The following POLR2F variants were observed in gnomAD, a reference collection of about 807,000 sequenced individuals.
POLR2F encodes the protein RNA polymerase II, I and III subunit F, also known as DNA-directed RNA polymerases I, II, and III subunit RPABC2.
A neutral mutation model predicts 22.7 loss-of-function variants in POLR2F; 12 were observed. That is an observed-to-expected ratio of 0.53 (90% CI 0.34 to 0.86). The LOEUF (loss-of-function observed/expected upper bound fraction) is 0.86. Among genes scored for constraint, POLR2F ranks in the 40% least tolerant of loss-of-function variants. POLR2F has a pLI of 0.02. For synonymous variants in POLR2F, 57 were observed against 66.0 expected, an observed-to-expected ratio of 0.86 and a Z score of 0.66; for missense variants, 126 against 171.5, an observed-to-expected ratio of 0.73 and a Z score of 1.48.
chr22:37,984,568 C>T (rs961626312), upstream of POLR2F: 3 of 142,002 alleles, frequency 2.1e-5, no homozygotes, highest in Non-Finnish European at 4.6e-5. This position sits in a 1 kb window ranked among gnomAD's most constrained non-coding sequence, Gnocchi z 4.4. Flanking sequence ...GCCTGAGCCG[C>T]TGCGGAGGGC....
chr22:38,014,780 G>A (rs1396997186), intron 1 of POLR2F, among the ~76,000 whole-genome samples: 1 of 149,314 alleles, frequency 6.7e-6, no homozygotes, highest in Non-Finnish European at 1.5e-5. Context: ...ACTGGGCCTG[G>A]CTCACACCTG....
At position 37,953,768 on chromosome 22, in the gene POLR2F, G is replaced by T; in HGVS notation, c.-20G>T. On this transcript the variant is annotated 5_prime_UTR_variant, in exon 1 of 5. Coordinates refer to ENST00000442738, the MANE Select transcript of POLR2F (RefSeq NM_021974.5). ...CCGCGCGGGACCGGGGCGCAGCGGGGTCGCTGAGGCGAGGGTGTCATGTCA... is the reference window on the plus strand; with the variant it reads ...CCGCGCGGGACCGGGGCGCAGCGGGTTCGCTGAGGCGAGGGTGTCATGTCA... The T allele has an allele frequency of 6.2e-7, 1 of 1,606,924 alleles. No homozygotes were observed.
At chr22:38,013,636 A>G (rs2084891146) in intron 1 of POLR2F, among the ~76,000 whole-genome samples, 1 of 152,212 alleles carries the variant, frequency 6.6e-6, no homozygotes, top group East Asian at 1.9e-4. Flanking sequence ...GCTGTACAGT[A>G]TCTAGTAAAA....
chr22:37,994,286 T>C (rs1348052848), intron 1 of POLR2F, among the ~76,000 whole-genome samples: 1 of 152,124 alleles, frequency 6.6e-6, no homozygotes, highest in East Asian at 1.9e-4. Context: ...GCTGAGGGCC[T>C]CACACACACG....
At chr22:37,967,534 C>G (rs771041279) in intron 4 of POLR2F, 91 bp from the exon 5 acceptor site, 1 of 1,556,712 alleles carries the variant, frequency 6.4e-7, no homozygotes, top group South Asian at 1.2e-5. Flanking sequence ...TAAGACTTCT[C>G]TTTGCTTGTG....
At chr22:38,033,048 C>T in intron 5 of POLR2F, 1 of 166,956 alleles carries the variant, frequency 6.0e-6, no homozygotes, top group South Asian at 2.1e-4. Context: ...TCCTTGTAAA[C>T]ATCAAAGCAG....
At chr22:38,005,908 T>C (rs2145804339) in intron 1 of POLR2F, among the ~76,000 whole-genome samples, 1 of 152,346 alleles carries the variant, frequency 6.6e-6, no homozygotes, top group East Asian at 1.9e-4. Flanking sequence ...ACAGAAGTAT[T>C]GGTCTGCAAA....
downstream of POLR2F, chr22:37,971,416 G>A (rs1429496229): frequency 4.9e-6 from 2 of 411,806 alleles, no homozygotes; most frequent in Admixed American, 5.6e-5. Context: ...CTGGGTATGA[G>A]GAAGAACTTC....
Position 38,004,178 on chromosome 22 carries a change from T to TGG in POLR2F, c.120+17873_120+17874dup, listed in dbSNP as rs139899. On this transcript the variant is annotated intron_variant, in intron 1 of 2. Coordinates refer to the POLR2F transcript ENST00000333418. The stretch of plus-strand genomic sequence containing the variant: ...TAATTTTTATTCTTTTGTAGAGATG[T>TGG]GGGGGGGGTCTCACTATATTGCTCA... Among the ~76,000 whole-genome samples the TGG allele has an allele frequency of 6.6e-4, 100 of 151,686 alleles. No individual in the cohort carries two copies. The East Asian group carries it at 0.012, about 18-fold the overall frequency.
chr22:37,986,508 T>A lies in POLR2F; in HGVS notation c.120+196T>A. On this transcript the variant is annotated intron_variant, in intron 1 of 2. Coordinates refer to the POLR2F transcript ENST00000333418. The surrounding 1 kb of genome is among the most constrained non-coding windows in gnomAD (Gnocchi z 4.7). ...CCCTCTCTAACTCCCTGCTTCCTCC[T>A]TTGCCCTCCTTGGTCCAGCTGTGCC... 7.8e-7 allele frequency: 1 copy of A among 1,280,660 alleles called. No homozygotes were observed. The highest frequency in any genetic ancestry group is 1.1e-6 in the Non-Finnish European group (1 of 914,496). The allele number at this position is 1,280,660 out of a possible 1,614,324, so 79.3% of individuals were successfully genotyped here. A position where few individuals can be genotyped will look rare whatever the true frequency, so the allele number is the denominator to read the frequency against.
intron 1 of POLR2F, among the ~76,000 whole-genome samples, chr22:37,954,279 A>G (rs1301720541): frequency 6.6e-6 from 1 of 152,022 alleles, no homozygotes; most frequent in Non-Finnish European, 1.5e-5. Context: ...GCATTAAATA[A>G]AAGTCTGGGA....
In POLR2F at chr22:37,978,688, G is replaced by A. The variant is rs1454266354; in HGVS notation, c.293+11518G>A. ...ATGATAACATTGGCTTAACTTGGGT[G>A]TGGGATTGGCCAGAATAATGGATGT... On this transcript the variant is annotated intron_variant, in intron 4 of 4. Coordinates refer to the POLR2F transcript ENST00000405557. This position sits in a 1 kb window ranked among gnomAD's most constrained non-coding sequence, Gnocchi z 5.0. Among the ~76,000 whole-genome samples the A allele has an allele frequency of 2.6e-5, 4 of 152,220 alleles. No homozygotes were observed. In the East Asian group the frequency reaches 7.7e-4, roughly 29 times the overall value.
intron 1 of POLR2F, among the ~76,000 whole-genome samples, chr22:38,014,793 T>A (rs2084902061): frequency 1.2e-4 from 16 of 133,060 alleles, no homozygotes. Context: ...CACACCTGTA[T>A]TTGTATTTTT....
At chr22:37,973,858 T>C (rs537184160), downstream of POLR2F, 36 of 1,608,084 alleles carry the variant, frequency 2.2e-5, no homozygotes, top group African/African-American at 4.4e-4. Context: ...CACCAGGTGG[T>C]GAGACCGTGG....
downstream of POLR2F, among the ~76,000 whole-genome samples, chr22:38,028,605 T>C (rs766594143): frequency 6.6e-6 from 1 of 152,118 alleles, no homozygotes; most frequent in Non-Finnish European, 1.5e-5. Flanking sequence ...TGCCTATGTG[T>C]ATGCACGTGC....
intron 1 of POLR2F, among the ~76,000 whole-genome samples, chr22:37,988,543 T>C (rs1362552137): frequency 6.6e-6 from 1 of 151,726 alleles, no homozygotes; most frequent in Non-Finnish European, 1.5e-5. Context: ...CCCAGCTACG[T>C]GGGAGCCTGA....
At chr22:38,013,334 C>T (rs377507917) in intron 1 of POLR2F, among the ~76,000 whole-genome samples, 7 of 151,856 alleles carry the variant, frequency 4.6e-5, no homozygotes, top group South Asian at 2.1e-4. Context: ...TTAGTAGAGG[C>T]GGGGTTTCAT....
downstream of POLR2F, chr22:37,974,116 C>A: frequency 6.2e-7 from 1 of 1,613,338 alleles, no homozygotes; most frequent in Non-Finnish European, 8.5e-7. The surrounding 1 kb of genome is among the most constrained non-coding windows in gnomAD (Gnocchi z 5.4). Context: ...CCATGGAGCG[C>A]CCGTCCCGCT....
chr22:38,034,492 C>T lies in POLR2F; in HGVS notation c.453-6576C>T, dbSNP rs116660503. Among the ~76,000 whole-genome samples, 807 of 152,302 alleles carry T rather than the reference C, an allele frequency of 5.3e-3. 10 individuals carry two copies. Among genetic ancestry groups the T allele is most frequent in the African/African-American group, 0.019 (782 of 41,558 alleles). On this transcript the variant is annotated intron_variant, in intron 5 of 5. Coordinates refer to the POLR2F transcript ENST00000407936. ...ATGCAAAACCAGCGACCTCCTGCAC[C>T]AGCTCTAAGGAGACCGAAGTGCCCA... is the stretch of plus-strand genomic sequence containing the variant.
Sources: gnomAD v4.1 joint callset for allele counts (sites outside exome capture counted in the v4.1 genomes callset) on GRCh38, gnomAD v4.1.1 for gene constraint, Gnocchi (gnomAD v3.1) non-coding constraint, MANE v1.5 for transcripts, NCBI Gene and HGNC (gene_info 2026-07-23, HGNC 2026-07-21) for gene names.